The following PICALM variants were observed in gnomAD, a reference collection of about 807,000 sequenced individuals.
The protein encoded by PICALM is phosphatidylinositol binding clathrin assembly protein.
Under a neutral mutation model 80.5 loss-of-function variants are expected in PICALM, and 40 were observed. That is an observed-to-expected ratio of 0.50 (90% CI 0.39 to 0.65). The LOEUF (loss-of-function observed/expected upper bound fraction) is 0.65. PICALM is among the 30% of genes least tolerant of loss of function. The pLI is 0.00. For missense variants in PICALM, 676 were observed against 778.9 expected, an observed-to-expected ratio of 0.87 and a Z score of 1.57; for synonymous variants, 288 against 260.3, an observed-to-expected ratio of 1.11 and a Z score of -1.02.
chr11:86,031,436 T>G, intron 2 of PICALM, 33 bp downstream of exon 2: 2 of 1,561,742 alleles, frequency 1.3e-6, no homozygotes, highest in Non-Finnish European at 1.7e-6. Context: ...AGTCAACACA[T>G]CAGTATACTT....
rs1017209883 is a variant in PICALM at position 85,998,702 on chromosome 11, C to G, written c.1155-1773G>C. Among the ~76,000 whole-genome samples, 7 of 152,242 alleles carry G rather than the reference C, an allele frequency of 4.6e-5. No homozygotes were observed. The South Asian group carries it at 1.5e-3, about 32-fold the overall frequency. ...CTAAGGCAGAGGGAATGCTTGAGCC[C>G]AGGAGGTTGAGGCTGCAGTGAGCCA... On this transcript the variant is annotated intron_variant, in intron 11 of 19. Coordinates refer to ENST00000393346, the MANE Select transcript of PICALM (RefSeq NM_007166.4).
intron 3 of PICALM, among the ~76,000 whole-genome samples, chr11:86,024,841 T>C (rs977272090): frequency 2.6e-5 from 4 of 152,204 alleles, no homozygotes; most frequent in African/African-American, 9.7e-5. Flanking sequence ...TTCACATTCA[T>C]GTATTGTACC....
chr11:85,975,667 A>G (rs765696002), intron 18 of PICALM, among the ~76,000 whole-genome samples: 15 of 140,626 alleles, frequency 1.1e-4, no homozygotes, highest in Non-Finnish European at 1.5e-4. Context: ...CATGATCTCA[A>G]CTCACTGTGA....
chr11:85,992,697 A>C (rs530416449), intron 12 of PICALM, among the ~76,000 whole-genome samples: 1 of 152,188 alleles, frequency 6.6e-6, no homozygotes, highest in Admixed American at 6.5e-5. Context: ...AAAAGCCATG[A>C]AATACGTAAT....
rs2093566043 is a variant in PICALM at position 85,957,498 on chromosome 11, T to C, written c.*1548A>G. On this transcript the variant is annotated 3_prime_UTR_variant, in exon 20 of 20. Transcript: ENST00000393346. ...GTAGTTGCATTTATCAATAAGAGTC[T>C]ACAAGGTAACAAAAAGTGTAAAGAG... Among the ~76,000 whole-genome samples the C allele has an allele frequency of 6.6e-6, 1 of 152,310 alleles. No homozygotes were observed. Among genetic ancestry groups the C allele is most frequent in the South Asian group, 2.1e-4 (1 of 4,828 alleles).
intron 4 of PICALM, among the ~76,000 whole-genome samples, chr11:86,022,101 C>G (rs1437907284): frequency 6.6e-6 from 1 of 152,056 alleles, no homozygotes; most frequent in Admixed American, 6.5e-5. Context: ...TGATGTTGGA[C>G]AACTTTGTAA....
intron 14 of PICALM, among the ~76,000 whole-genome samples, chr11:85,983,665 C>T (rs1438345660): frequency 1.3e-5 from 2 of 152,122 alleles, no homozygotes; most frequent in Non-Finnish European, 2.9e-5. Context: ...TCACTCTTCC[C>T]AAAGTCTAAA....
chr11:86,013,541 T>C (rs760454114), intron 5 of PICALM, among the ~76,000 whole-genome samples: 37 of 151,716 alleles, frequency 2.4e-4, no homozygotes, highest in African/African-American at 9.0e-4. Context: ...GGAGAGAGAA[T>C]TGAGTGTAGC....
intron 1 of PICALM, among the ~76,000 whole-genome samples, chr11:86,057,893 T>A (rs1421598999): frequency 6.6e-6 from 1 of 152,178 alleles, no homozygotes; most frequent in African/African-American, 2.4e-5. Context: ...TTCTTATCTG[T>A]GGGAGGTCCT....
rs951018245 is a variant in PICALM, at chr11:85,998,117, A to AT, written c.1155-1189dup. On this transcript the variant is annotated intron_variant, in intron 11 of 19. Coordinates refer to ENST00000393346, the MANE Select transcript of PICALM (RefSeq NM_007166.4). ...ATTTCTACCTCAAGACTTCTATGTA[A>AT]TTTTTTTTATTTGAGACAGAGTCTC... is the stretch of plus-strand genomic sequence containing the variant. Among the ~76,000 whole-genome samples the AT allele has an allele frequency of 5.6e-5, 8 of 141,620 alleles. 1 individual carries two copies. The highest frequency in any genetic ancestry group is 3.5e-4 in the Admixed American group (5 of 14,096). 92.9% of individuals were successfully genotyped at this position (141,620 alleles called of 152,430 possible).
chr11:86,028,859 T>C (rs1398313784), intron 2 of PICALM, among the ~76,000 whole-genome samples: 1 of 147,864 alleles, frequency 6.8e-6, no homozygotes, highest in Admixed American at 6.8e-5. Flanking sequence ...TTTTTTGAGA[T>C]GGAGTCTCTT....
intron 8 of PICALM, among the ~76,000 whole-genome samples, chr11:86,004,892 A>G (rs565762367): frequency 5.3e-5 from 8 of 152,326 alleles, no homozygotes; most frequent in African/African-American, 1.7e-4. Context: ...AACTGAGAGT[A>G]TACATACACT....
chr11:85,989,659 G>C (rs761296446), intron 13 of PICALM, among the ~76,000 whole-genome samples: 7 of 152,046 alleles, frequency 4.6e-5, no homozygotes, highest in Non-Finnish European at 8.8e-5. Context: ...GGATATCCAA[G>C]TCGTGTTTCT....
rs1053216507 is a variant in PICALM, at chr11:86,068,705, C to T, written c.76G>A (p.Val26Ile). 5.6e-6 allele frequency: 9 copies of T among 1,613,272 alleles called. No homozygotes were observed. The highest frequency in any genetic ancestry group is 7.6e-6 in the Non-Finnish European group (9 of 1,179,792). ...ATCTCGTGGGTCGTGGCCTTGCATA[C>T]TGTCTTGGATACGGCAGAGCCGGTG... The part of the protein sequence containing the change: ...SVTGSAVSKT[V>I]CKATTHEIMG... The change falls in exon 1 of 20, where the codon GTA becomes ATA. Residue 26 changes from valine (V) to isoleucine (I), a missense_variant. Physicochemically the swap from Val to Ile is conservative, Grantham distance 29 (BLOSUM62 3). This residue lies in a region of PICALM where 285 missense variants were observed against 395.4 expected (regional missense o/e 0.72). Transcript: ENST00000393346.
At chr11:85,960,169 A>G (rs921844357) in intron 19 of PICALM, among the ~76,000 whole-genome samples, 1 of 150,526 alleles carries the variant, frequency 6.6e-6, no homozygotes, top group African/African-American at 2.5e-5. Context: ...TCATTCAAAG[A>G]TATTTCACTC....
At position 86,000,738 on chromosome 11, in the gene PICALM, A is replaced by T; in HGVS notation, c.1059T>A (p.Ser353=). The stretch of plus-strand genomic sequence containing the variant: ...ATACAGGAGAGGCTGCAGTTGTTAA[A>T]GAGGTATGAGGTTTCTTTGCAAGTT... ...LKELAKKPHT[S]LTTAASPVST... The change falls in exon 11 of 20, where the codon TCT becomes TCA. Residue 353 remains serine, a synonymous_variant. Coordinates refer to ENST00000393346, the MANE Select transcript of PICALM (RefSeq NM_007166.4). The T allele has an allele frequency of 6.2e-7, 1 of 1,613,104 alleles. No individual in the cohort carries two copies. The highest frequency in any genetic ancestry group is 8.5e-7 in the Non-Finnish European group (1 of 1,179,870).
At chr11:85,996,323 T>TA (rs2094959128) in intron 12 of PICALM, among the ~76,000 whole-genome samples, 2 of 152,042 alleles carry the variant, frequency 1.3e-5, no homozygotes, top group East Asian at 1.9e-4. Context: ...AGGTCTTAAT[T>TA]AAAAAAACAT....
At chr11:86,000,344 T>C (rs1027492631) in intron 11 of PICALM, among the ~76,000 whole-genome samples, 2 of 152,242 alleles carry the variant, frequency 1.3e-5, no homozygotes, top group Admixed American at 6.5e-5. Context: ...AACCATTAGA[T>C]GCCTCATAAA....
intron 1 of PICALM, among the ~76,000 whole-genome samples, chr11:86,044,720 GC>G (rs1321165593): frequency 6.6e-6 from 1 of 152,214 alleles, no homozygotes; most frequent in East Asian, 1.9e-4. Flanking sequence ...GAGCTAGGAA[GC>G]ATTACTGCCT....
Sources: gnomAD v4.1 joint callset for allele counts (sites outside exome capture counted in the v4.1 genomes callset) on GRCh38, gnomAD v4.1.1 for gene constraint, gnomAD v4.1.1 regional missense constraint, MANE v1.5 for transcripts, NCBI Gene and HGNC (gene_info 2026-07-23, HGNC 2026-07-21) for gene names.